NDUFS4: variants seen among roughly 807,000 people sequenced by gnomAD.
The protein encoded by NDUFS4 is NADH dehydrogenase [ubiquinone] iron-sulfur protein 4, mitochondrial.
Under a neutral mutation model 24.3 loss-of-function variants are expected in NDUFS4, and 28 were observed. The ratio of observed to expected loss-of-function variants is 1.15; its 90% confidence interval spans 0.85 to 1.58. The LOEUF is 1.58. Ranked by LOEUF, NDUFS4 falls within the 40% of genes most tolerant of loss-of-function variation. The pLI, the probability that NDUFS4 is intolerant of heterozygous loss-of-function variation, is 0.00. For synonymous variants in NDUFS4, 93 were observed against 69.7 expected, an observed-to-expected ratio of 1.34 and a Z score of -1.67; for missense variants, 223 against 207.9, an observed-to-expected ratio of 1.07 and a Z score of -0.45.
intron 1 of NDUFS4, 98 bp downstream of exon 1, chr5:53,560,858 G>T: frequency 3.2e-6 from 5 of 1,583,852 alleles, no homozygotes; most frequent in Non-Finnish European, 4.3e-6. Flanking sequence ...CGGGGAAGGC[G>T]TCCTCTGTTG....
intron 4 of NDUFS4, among the ~76,000 whole-genome samples, chr5:53,667,925 TTTA>T (rs1752566435): frequency 6.6e-6 from 1 of 152,244 alleles, no homozygotes; most frequent in African/African-American, 2.4e-5. Flanking sequence ...CTAGTTCGTC[TTTA>T]TTTCTTTGCT....
intron 3 of NDUFS4, among the ~76,000 whole-genome samples, chr5:53,658,158 A>G (rs1237430088): frequency 6.6e-6 from 1 of 152,142 alleles, no homozygotes; most frequent in Non-Finnish European, 1.5e-5. Flanking sequence ...TAAAAAAAGA[A>G]TGTGTATTGT....
At chr5:53,643,488 C>T (rs1191717038) in intron 2 of NDUFS4, among the ~76,000 whole-genome samples, 2 of 152,198 alleles carry the variant, frequency 1.3e-5, no homozygotes, top group East Asian at 3.9e-4. Context: ...GCGTTGAAGA[C>T]ACAAGTAGAG....
At chr5:53,622,294 A>G (rs1388368475) in intron 2 of NDUFS4, among the ~76,000 whole-genome samples, 1 of 152,124 alleles carries the variant, frequency 6.6e-6, no homozygotes, top group Non-Finnish European at 1.5e-5. Context: ...TGCCACAACA[A>G]AATACCATAG....
rs531067013 is a variant in NDUFS4 at position 53,572,246 on chromosome 5, A to G, written c.98+11486A>G. ...TGACCATTTGTCTTCAGAGATAACAATGTTCCTTTCTTTCTGATATAGGGA... is the reference window on the plus strand; with the variant it reads ...TGACCATTTGTCTTCAGAGATAACAGTGTTCCTTTCTTTCTGATATAGGGA... On this transcript the variant is annotated intron_variant, in intron 1 of 4. Transcript: ENST00000296684. Among the ~76,000 whole-genome samples, 129 of 152,288 alleles carry G rather than the reference A, an allele frequency of 8.5e-4. 1 individual carries two copies. Among genetic ancestry groups the G allele is most frequent in the Non-Finnish European group, 1.5e-3 (103 of 68,016 alleles).
chr5:53,621,152 T>C (rs1323897412), intron 2 of NDUFS4, among the ~76,000 whole-genome samples: 3 of 152,188 alleles, frequency 2.0e-5, no homozygotes, highest in Non-Finnish European at 2.9e-5. Context: ...TGAAAATTGT[T>C]GTGTGTTCTT....
chr5:53,630,574 ATTTCT>A (rs1751383486), intron 2 of NDUFS4, among the ~76,000 whole-genome samples: 1 of 151,488 alleles, frequency 6.6e-6, no homozygotes, highest in Non-Finnish European at 1.5e-5. Flanking sequence ...GGCTTTGTTC[ATTTCT>A]TTTCATTCTT....
At chr5:53,653,916 G>T (rs1349048714) in intron 3 of NDUFS4, among the ~76,000 whole-genome samples, 1 of 151,964 alleles carries the variant, frequency 6.6e-6, no homozygotes, top group African/African-American at 2.4e-5. Flanking sequence ...TTGCATATAA[G>T]CCACATTATG....
At chr5:53,603,315 C>G in intron 1 of NDUFS4, 137 bp from the exon 2 acceptor site, 26 of 681,670 alleles carry the variant, frequency 3.8e-5, no homozygotes, top group East Asian at 5.7e-5. Flanking sequence ...CTTTTGTGCC[C>G]TCTTCTCTTT....
chr5:53,598,389 T>C (rs1484775084), intron 1 of NDUFS4, among the ~76,000 whole-genome samples: 1 of 152,208 alleles, frequency 6.6e-6, no homozygotes, highest in Non-Finnish European at 1.5e-5. Flanking sequence ...AAGATTTTTT[T>C]AAAGAAAAAC....
chr5:53,605,302 G>C (rs537938900), intron 2 of NDUFS4, among the ~76,000 whole-genome samples: 244 of 152,316 alleles, frequency 1.6e-3, no homozygotes, highest in Non-Finnish European at 3.0e-3. Context: ...TCATTAATGA[G>C]AGCACTATTA....
chr5:53,681,266 G>A (rs1340578035), intron 4 of NDUFS4, among the ~76,000 whole-genome samples: 1 of 152,030 alleles, frequency 6.6e-6, no homozygotes, highest in Non-Finnish European at 1.5e-5. Context: ...GTGACCTTAT[G>A]CTAGTTACCT....
At chr5:53,586,689 A>G (rs1337862928) in intron 1 of NDUFS4, among the ~76,000 whole-genome samples, 3 of 151,904 alleles carry the variant, frequency 2.0e-5, no homozygotes, top group Admixed American at 2.0e-4. Context: ...TGCCTGGCTA[A>G]TTTTTTGTAT....
intron 1 of NDUFS4, among the ~76,000 whole-genome samples, chr5:53,596,283 A>T (rs1323615528): frequency 6.6e-6 from 1 of 152,010 alleles, no homozygotes; most frequent in Non-Finnish European, 1.5e-5. Flanking sequence ...AAAACAAAAA[A>T]TTAGCCGAGT....
Position 53,662,418 on chromosome 5 carries a change from G to T in NDUFS4, c.424+3794G>T, listed in dbSNP as rs190871288. 5.3e-5 allele frequency among the ~76,000 whole-genome samples: 8 copies of T among 152,206 alleles called. No individual in the cohort carries two copies. In the East Asian group the frequency reaches 1.5e-3, roughly 29 times the overall value. On this transcript the variant is annotated intron_variant, in intron 4 of 4. Transcript: ENST00000296684. ...TGCCAGTATTTTATTGAGGATTTTT[G>T]CATCGATGTTCATCAGGGATATTGG...
chr5:53,575,124 G>T (rs1749342227), intron 1 of NDUFS4, among the ~76,000 whole-genome samples: 1 of 152,192 alleles, frequency 6.6e-6, no homozygotes, highest in Non-Finnish European at 1.5e-5. Context: ...ATTTCTCTGA[G>T]CACTTGTTTC....
intron 2 of NDUFS4, among the ~76,000 whole-genome samples, chr5:53,618,892 T>G (rs1321797233): frequency 2.0e-5 from 3 of 150,414 alleles, no homozygotes; most frequent in Non-Finnish European, 4.4e-5. Flanking sequence ...GGTGGGTGGA[T>G]TGCCTGAGCT....
intron 2 of NDUFS4, among the ~76,000 whole-genome samples, chr5:53,608,317 G>A (rs192551467): frequency 1.0e-3 from 156 of 152,300 alleles, no homozygotes; most frequent in African/African-American, 3.6e-3. Context: ...CTCCATGGTG[G>A]TGGTTGCTGA....
intron 4 of NDUFS4, among the ~76,000 whole-genome samples, chr5:53,660,101 C>T (rs573017701): frequency 1.3e-5 from 2 of 150,952 alleles, no homozygotes; most frequent in Non-Finnish European, 2.9e-5. Context: ...TGTGCTGCAC[C>T]GATTAACTCT....
Sources: gnomAD v4.1 joint callset for allele counts (sites outside exome capture counted in the v4.1 genomes callset) on GRCh38, gnomAD v4.1.1 for gene constraint, MANE v1.5 for transcripts, NCBI Gene and HGNC (gene_info 2026-07-23, HGNC 2026-07-21) for gene names.